The following CRAMP1 variants were observed in gnomAD, a reference collection of about 807,000 sequenced individuals.
CRAMP1 encodes protein cramped-like.
CRAMP1 carries 50 observed loss-of-function variants against 115.4 expected under a neutral mutation model. That is an observed-to-expected ratio of 0.43 (90% CI 0.35 to 0.55). The LOEUF (loss-of-function observed/expected upper bound fraction) is 0.55. Ranked by LOEUF, CRAMP1 falls within the 20% of genes least tolerant of loss-of-function variation. CRAMP1 has a pLI of 0.01. For synonymous variants in CRAMP1, 866 were observed against 745.4 expected (o/e 1.16, Z -2.64); for missense variants, 1,679 against 1,721.7 (o/e 0.98, Z 0.44).
At chr16:1,670,582 C>A in intron 19 of CRAMP1, 82 bp from the exon 20 acceptor site, 1 of 1,492,810 alleles carries the variant, frequency 6.7e-7, no homozygotes, top group South Asian at 1.2e-5. Context: ...GGGCTGGCTG[C>A]CCCCAGCCTC....
At chr16:1,641,814 GTCCCCACGCCACAGCCTGGGGGGGT>G (rs2036634487) in intron 6 of CRAMP1, among the ~76,000 whole-genome samples, 1 of 151,388 alleles carries the variant, frequency 6.6e-6, no homozygotes, top group Admixed American at 6.6e-5. Context: ...CTTGGGGAAG[GTCCCCACGCCACAGCCTGGGGGGGT>G]TCCCCACTCC....
chr16:1,661,173 G>A (rs1339684720), intron 11 of CRAMP1, among the ~76,000 whole-genome samples: 1 of 152,088 alleles, frequency 6.6e-6, no homozygotes, highest in Non-Finnish European at 1.5e-5. Context: ...AATAAAAAAA[G>A]TAGTTGAATG....
intron 4 of CRAMP1, among the ~76,000 whole-genome samples, chr16:1,634,062 G>A (rs1371399791): frequency 6.6e-6 from 1 of 152,058 alleles, no homozygotes; most frequent in Non-Finnish European, 1.5e-5. Context: ...GTCCATGAGA[G>A]CAGATCTGCC....
At chr16:1,636,361 A>G (rs2036588582) in intron 4 of CRAMP1, among the ~76,000 whole-genome samples, 1 of 151,784 alleles carries the variant, frequency 6.6e-6, no homozygotes. Flanking sequence ...ACAAGAGCGA[A>G]ACTCTGTCTC....
chr16:1,655,337 C>T (rs750291769), intron 9 of CRAMP1, 37 bp downstream of exon 9: 9 of 1,547,188 alleles, frequency 5.8e-6, no homozygotes, highest in Admixed American at 1.7e-5. Context: ...ATCCAGGCTG[C>T]GCTGCCTCTG....
intron 3 of CRAMP1, among the ~76,000 whole-genome samples, chr16:1,629,438 T>C (rs13332134): frequency 0.35 from 52,795 of 152,166 alleles, 12,651 homozygotes; most frequent in African/African-American, 0.67. Context: ...TATCTGGTTC[T>C]TGACTCAGGA....
At chr16:1,627,976 C>A (rs537456195) in intron 3 of CRAMP1, among the ~76,000 whole-genome samples, 1 of 152,152 alleles carries the variant, frequency 6.6e-6, no homozygotes, top group Non-Finnish European at 1.5e-5. Flanking sequence ...TGCCTGGGAG[C>A]AGGAGATGTG....
intron 10 of CRAMP1, among the ~76,000 whole-genome samples, chr16:1,657,916 C>T (rs965687150): frequency 6.6e-6 from 1 of 152,202 alleles, no homozygotes; most frequent in African/African-American, 2.4e-5. Flanking sequence ...CTGTGGACCC[C>T]TTAGCGCTGT....
In CRAMP1 at chr16:1,666,507, C is replaced by T. The variant is rs144435423; in HGVS notation, c.2943C>T (p.Ile981=). Reference sequence around the variant, plus strand: ...TGGACACCGAGGGCTTGTCTGGCATCTCTCCACTGTCTTCAGACGAGGTGA... The same window carrying T: ...TGGACACCGAGGGCTTGTCTGGCATTTCTCCACTGTCTTCAGACGAGGTGA... ...PALDTEGLSG[I]SPLSSDEVTG... Residue 981 remains isoleucine, a synonymous_variant, in exon 16 of 21, where the codon ATC becomes ATT. Transcript: ENST00000397412. The surrounding 1 kb of genome is among the most constrained non-coding windows in gnomAD (Gnocchi z 5.0). 1.2e-6 allele frequency: 2 copies of T among 1,613,974 alleles called. No individual in the cohort carries two copies. Among genetic ancestry groups the T allele is most frequent in the South Asian group, 1.1e-5 (1 of 91,080 alleles).
At chr16:1,615,406 G>A (rs143443134) in intron 2 of CRAMP1, among the ~76,000 whole-genome samples, 5 of 152,176 alleles carry the variant, frequency 3.3e-5, no homozygotes, top group Non-Finnish European at 7.3e-5. Context: ...AAACTCATTG[G>A]GGGGAAGATG....
rs769502540 is a variant in CRAMP1, at chr16:1,656,395, C to T, written c.1638C>T (p.Gly546=). 3 of 1,593,418 alleles carry T rather than the reference C, an allele frequency of 1.9e-6. No individual in the cohort carries two copies. Among genetic ancestry groups the T allele is most frequent in the East Asian group, 2.3e-5 (1 of 43,754 alleles). ...CAGGGGCCTTGCCGTGTGCCTGTGGCCAGCTCCCAGACCTGGAGGACGAGC... is the reference window on the plus strand; with the variant it reads ...CAGGGGCCTTGCCGTGTGCCTGTGGTCAGCTCCCAGACCTGGAGGACGAGC... ...REPGALPCAC[G]QLPDLEDELS... is the part of the protein sequence containing the mutation. Residue 546 remains glycine, a synonymous_variant, in exon 10 of 21, where the codon GGC becomes GGT. Transcript: ENST00000397412. This position sits in a 1 kb window ranked among gnomAD's most constrained non-coding sequence, Gnocchi z 5.6.
At chr16:1,617,782 C>G (rs2088909242) in intron 2 of CRAMP1, among the ~76,000 whole-genome samples, 2 of 152,146 alleles carry the variant, frequency 1.3e-5, no homozygotes, top group African/African-American at 4.8e-5. Context: ...TTATTGACTT[C>G]AATGAAAAAT....
At chr16:1,654,041 G>T (rs1401771073) in intron 8 of CRAMP1, among the ~76,000 whole-genome samples, 2 of 149,902 alleles carry the variant, frequency 1.3e-5, no homozygotes, top group Admixed American at 6.6e-5. Context: ...TACTCGGGAG[G>T]CTGAGGCAGG....
intron 3 of CRAMP1, 129 bp downstream of exon 3, chr16:1,626,295 C>T (rs1263443020): frequency 1.1e-5 from 9 of 831,362 alleles, no homozygotes; most frequent in African/African-American, 2.4e-5. Context: ...CCCGCAGTGG[C>T]GGAGGCTGAT....
chr16:1,668,398 A>G (rs954589955), intron 18 of CRAMP1, among the ~76,000 whole-genome samples: 6 of 152,206 alleles, frequency 3.9e-5, no homozygotes, highest in Admixed American at 6.5e-5. Context: ...ATGGCCTGGT[A>G]GGCTTGCTCC....
chr16:1,667,965 T>C lies in CRAMP1; in HGVS notation c.3106T>C (p.Ser1036Pro). Residue 1036 changes from serine to proline, a missense_variant, in exon 18 of 21, where the codon TCA becomes CCA. By Grantham distance (74) the Ser-to-Pro change is moderately conservative (BLOSUM62 -1). This residue lies in a region of CRAMP1 where 709 missense variants were observed against 741.9 expected (regional missense o/e 0.96). Transcript: ENST00000397412. Reference sequence around the variant, plus strand: ...AAAAATACCTGTCTCCCAGCAGGGCTCATCTGTTCTCTCCTTATCTGAGCT... The same window carrying C: ...AAAAATACCTGTCTCCCAGCAGGGCCCATCTGTTCTCTCCTTATCTGAGCT... ...QEPVADSFQG[S>P]SVLSLSELPK... The C allele has an allele frequency of 6.2e-7, 1 of 1,601,600 alleles. No individual in the cohort carries two copies. Among genetic ancestry groups the C allele is most frequent in the South Asian group, 1.1e-5 (1 of 89,862 alleles).
rs1473581171 is a variant in CRAMP1, at chr16:1,625,980, AGGT to A, written c.360_362del (p.Gly121del). ...CGGTGCTTTCTCTCCAAGGAGCTGA[AGGT>A]GGTGGATCATCGTCTGGAAATGTGT... On this transcript the variant is annotated inframe_deletion, in exon 3 of 21. Coordinates refer to ENST00000397412, the MANE Select transcript of CRAMP1 (RefSeq NM_020825.4). 3.9e-6 allele frequency: 6 copies of A among 1,551,612 alleles called. No individual in the cohort carries two copies. The highest frequency in any genetic ancestry group is 5.2e-6 in the Non-Finnish European group (6 of 1,146,972).
chr16:1,614,575 C>A lies in CRAMP1; in HGVS notation c.-1-64C>A. ...AACGGCGGCCATGTTGAGAGCGCGT[C>A]GGGGCCGCTAAACTTCCCGGCCTGC... On this transcript the variant is annotated intron_variant, in intron 1 of 20. Coordinates refer to ENST00000397412, the MANE Select transcript of CRAMP1 (RefSeq NM_020825.4). This position sits in a 1 kb window ranked among gnomAD's most constrained non-coding sequence, Gnocchi z 4.4. The A allele has an allele frequency of 9.7e-7, 1 of 1,028,850 alleles. No homozygotes were observed. The highest frequency in any genetic ancestry group is 1.2e-6 in the Non-Finnish European group (1 of 808,224). 63.7% of individuals were successfully genotyped at this position (1,028,850 alleles called of 1,614,324 possible).
intron 1 of CRAMP1, among the ~76,000 whole-genome samples, chr16:1,613,964 G>A (rs1231990175): frequency 6.6e-6 from 1 of 151,876 alleles, no homozygotes; most frequent in East Asian, 2.0e-4. Context: ...CGGCGGCATT[G>A]GGCCACCATG....
Sources: gnomAD v4.1 joint callset for allele counts (sites outside exome capture counted in the v4.1 genomes callset) on GRCh38, gnomAD v4.1.1 for gene constraint, gnomAD v4.1.1 regional missense constraint, Gnocchi (gnomAD v3.1) non-coding constraint, MANE v1.5 for transcripts, NCBI Gene and HGNC (gene_info 2026-07-23, HGNC 2026-07-21) for gene names.